RBFOX1: variants seen among roughly 807,000 people sequenced by gnomAD.
RBFOX1 encodes RNA binding protein fox-1 homolog 1.
RBFOX1 carries 8 observed loss-of-function variants against 57.7 expected under a neutral mutation model. The observed-to-expected ratio is 0.14, with a 90% CI of 0.08 to 0.25. The LOEUF (loss-of-function observed/expected upper bound fraction) is 0.25. Ranked by LOEUF, RBFOX1 falls within the 10% of genes least tolerant of loss-of-function variation. RBFOX1 has a pLI of 1.00. For synonymous variants in RBFOX1, 326 were observed against 222.4 expected, an observed-to-expected ratio of 1.47 and a Z score of -4.15; for missense variants, 611 against 548.5, an observed-to-expected ratio of 1.11 and a Z score of -1.14.
chr16:5,740,157 C>G (rs756105345), intron 3 of RBFOX1, among the ~76,000 whole-genome samples: 1 of 152,146 alleles, frequency 6.6e-6, no homozygotes, highest in African/African-American at 2.4e-5. Context: ...AGTAAACACA[C>G]GGGGAGGAGG....
chr16:5,599,083 G>A (rs1567279457), exon 3 of RBFOX1: 1 of 936,632 alleles, frequency 1.1e-6, no homozygotes, highest in African/African-American at 1.6e-5. Context: ...GATCTTGCTG[G>A]AGAATTAACT....
intron 2 of RBFOX1, among the ~76,000 whole-genome samples, chr16:5,548,174 AATATATAT>A (rs71142629): frequency 2.5e-3 from 85 of 33,552 alleles, no homozygotes; most frequent in East Asian, 5.4e-3. Flanking sequence ...AAAAAAAAAA[AATATATAT>A]ATATATATAT....
At chr16:7,211,144 C>T (rs1395185585) in intron 4 of RBFOX1, among the ~76,000 whole-genome samples, 3 of 150,748 alleles carry the variant, frequency 2.0e-5, no homozygotes, top group Non-Finnish European at 4.4e-5. Flanking sequence ...GTAATCCCAG[C>T]ACTTTGGGAG....
chr16:6,733,713 A>C (rs959443330), intron 3 of RBFOX1, among the ~76,000 whole-genome samples: 4 of 152,078 alleles, frequency 2.6e-5, no homozygotes, highest in African/African-American at 4.8e-5. Context: ...AACTGAGATC[A>C]CACCACTGCA....
intron 2 of RBFOX1, among the ~76,000 whole-genome samples, chr16:5,539,946 G>C (rs1030919262): frequency 6.6e-6 from 1 of 152,166 alleles, no homozygotes; most frequent in African/African-American, 2.4e-5. Flanking sequence ...TTTTGGCTTT[G>C]ACAGGGTAAA....
intron 3 of RBFOX1, among the ~76,000 whole-genome samples, chr16:6,935,283 G>C (rs913872024): frequency 1.3e-5 from 2 of 152,126 alleles, no homozygotes; most frequent in Non-Finnish European, 1.5e-5. Flanking sequence ...CAGATGTTCA[G>C]AGTGGTAGTT....
chr16:7,678,302 A>G (rs2073904108), intron 14 of RBFOX1, among the ~76,000 whole-genome samples: 1 of 152,194 alleles, frequency 6.6e-6, no homozygotes, highest in African/African-American at 2.4e-5. Flanking sequence ...ACACTTTGAC[A>G]CTGGATTAGG....
chr16:5,920,556 C>T (rs1393755119), intron 4 of RBFOX1, among the ~76,000 whole-genome samples: 1 of 152,106 alleles, frequency 6.6e-6, no homozygotes, highest in Non-Finnish European at 1.5e-5. Flanking sequence ...GTAGCCTTGA[C>T]CTGGCTCCCT....
At chr16:6,980,577 A>C (rs1220149270) in intron 3 of RBFOX1, among the ~76,000 whole-genome samples, 2 of 152,190 alleles carry the variant, frequency 1.3e-5, no homozygotes, top group African/African-American at 4.8e-5. Context: ...AGTATTGAAA[A>C]ACAGCTTTAA....
chr16:7,388,902 A>G (rs1156964242), intron 4 of RBFOX1, among the ~76,000 whole-genome samples: 3 of 152,086 alleles, frequency 2.0e-5, no homozygotes, highest in Non-Finnish European at 4.4e-5. Context: ...TCAACTCACG[A>G]TGAGTTTATA....
At chr16:6,980,116 C>T (rs539356314) in intron 3 of RBFOX1, among the ~76,000 whole-genome samples, 1 of 152,278 alleles carries the variant, frequency 6.6e-6, no homozygotes, top group South Asian at 2.1e-4. Flanking sequence ...ACAGCACAGG[C>T]TGGACGTATG....
chr16:5,600,634 G>A (rs948095230), downstream of RBFOX1, among the ~76,000 whole-genome samples: 1 of 152,004 alleles, frequency 6.6e-6, no homozygotes, highest in African/African-American at 2.4e-5. Flanking sequence ...ACTGCTTGGT[G>A]TAAACTGGAA....
At chr16:5,466,167 G>A (rs1223482336) in intron 1 of RBFOX1, among the ~76,000 whole-genome samples, 1 of 152,238 alleles carries the variant, frequency 6.6e-6, no homozygotes. Flanking sequence ...GCTTGCGTCA[G>A]AGAGAGAAAG....
intron 2 of RBFOX1, among the ~76,000 whole-genome samples, chr16:6,320,395 G>C (rs1385802463): frequency 6.6e-6 from 1 of 152,036 alleles, no homozygotes; most frequent in Non-Finnish European, 1.5e-5. Context: ...TGGGTGATGG[G>C]TTGTTTGGGT....
In RBFOX1 at chr16:7,273,065, TCCCTCCTTCCA is replaced by T. The variant is rs1427214836; in HGVS notation, c.27+220968_27+220978del. ...CCCCTCCCTTCCCTCCCTCCTTCCC[TCCCTCCTTCCA>T]TCCTTCCGCTCTCCCTCCCTCCCTT... On this transcript the variant is annotated intron_variant, in intron 4 of 15. Coordinates refer to ENST00000550418, the MANE Select transcript of RBFOX1 (RefSeq NM_018723.4). Among the ~76,000 whole-genome samples, 196 of 100,780 alleles carry T rather than the reference TCCCTCCTTCCA, an allele frequency of 1.9e-3. 3 individuals carry two copies. The highest frequency in any genetic ancestry group is 7.8e-3 in the African/African-American group (188 of 24,240). The allele number at this position is 100,780 out of a possible 152,430, so 66.1% of individuals were successfully genotyped here.
At chr16:5,883,324 G>A (rs1337214089) in intron 4 of RBFOX1, among the ~76,000 whole-genome samples, 5 of 151,954 alleles carry the variant, frequency 3.3e-5, no homozygotes, top group East Asian at 1.9e-4. Context: ...CTCTTACCCC[G>A]AAAGAGAAAA....
At chr16:7,445,594 C>G (rs1414606266) in intron 4 of RBFOX1, among the ~76,000 whole-genome samples, 1 of 152,168 alleles carries the variant, frequency 6.6e-6, no homozygotes, top group East Asian at 1.9e-4. Flanking sequence ...CCAGAAAACT[C>G]ATTGCCATGA....
intron 4 of RBFOX1, among the ~76,000 whole-genome samples, chr16:7,277,806 T>C (rs184541007): frequency 3.9e-5 from 6 of 152,234 alleles, no homozygotes; most frequent in Admixed American, 1.3e-4. Context: ...TAAAATGAAA[T>C]TAGCATATTA....
intron 10 of RBFOX1, among the ~76,000 whole-genome samples, chr16:7,627,598 T>C (rs1483954338): frequency 6.6e-6 from 1 of 152,202 alleles, no homozygotes; most frequent in Non-Finnish European, 1.5e-5. Context: ...GAAGCTATAT[T>C]GAGAAGTGCT....
Sources: allele counts gnomAD v4.1 joint callset (sites outside exome capture counted in the v4.1 genomes callset), GRCh38; gene constraint gnomAD v4.1.1; transcripts MANE v1.5; gene names NCBI Gene and HGNC (gene_info 2026-07-23, HGNC 2026-07-21).